The following KDM2A variants were observed in gnomAD, a reference collection of about 807,000 sequenced individuals.
The protein encoded by KDM2A is lysine demethylase 2A, also known as lysine-specific demethylase 2A.
Under a neutral mutation model 137.3 loss-of-function variants are expected in KDM2A, and 3 were observed. The observed-to-expected ratio is 0.02, with a 90% confidence interval of 0.01 to 0.06. KDM2A has a LOEUF of 0.06. Among genes scored for constraint, KDM2A ranks in the 10% least tolerant of loss-of-function variants. The pLI is 1.00. For synonymous variants in KDM2A, 512 were observed against 541.5 expected (o/e 0.95, Z 0.76); for missense variants, 738 against 1,510.6 (o/e 0.49, Z 8.48).
intron 2 of KDM2A, among the ~76,000 whole-genome samples, chr11:67,150,822 C>T (rs1856367657): frequency 6.6e-6 from 1 of 150,538 alleles, no homozygotes; most frequent in East Asian, 2.0e-4. Flanking sequence ...AATTAAAATG[C>T]CAAGGTAAAT....
At chr11:67,169,058 C>T (rs371546397) in intron 2 of KDM2A, among the ~76,000 whole-genome samples, 1 of 147,990 alleles carries the variant, frequency 6.8e-6, no homozygotes, top group Admixed American at 6.9e-5. Flanking sequence ...GGGGTTCAAG[C>T]GATTCTCTTG....
chr11:67,239,631 G>A (rs890910133), intron 12 of KDM2A, among the ~76,000 whole-genome samples: 1 of 152,204 alleles, frequency 6.6e-6, no homozygotes, highest in Non-Finnish European at 1.5e-5. Context: ...CCCTCTACTT[G>A]CTGAGAGGGG....
chr11:67,151,385 ATTATT>A (rs1856384650), intron 2 of KDM2A, among the ~76,000 whole-genome samples: 1 of 151,890 alleles, frequency 6.6e-6, no homozygotes, highest in Non-Finnish European at 1.5e-5. Context: ...ATTTAATTTT[ATTATT>A]TTATTTTGAG....
chr11:67,206,883 A>G (rs1418189170), intron 5 of KDM2A, among the ~76,000 whole-genome samples: 1 of 152,212 alleles, frequency 6.6e-6, no homozygotes, highest in African/African-American at 2.4e-5. Context: ...TTTCGTGTCC[A>G]TCCTGGTGTC....
At chr11:67,249,831 A>G (rs2136459375) in intron 16 of KDM2A, among the ~76,000 whole-genome samples, 1 of 152,138 alleles carries the variant, frequency 6.6e-6, no homozygotes, top group East Asian at 1.9e-4. Flanking sequence ...TAAGTCAGAG[A>G]CGCAATTAAA....
intron 8 of KDM2A, among the ~76,000 whole-genome samples, chr11:67,216,614 T>C (rs188023727): frequency 3.0e-4 from 46 of 152,234 alleles, no homozygotes; most frequent in Non-Finnish European, 6.5e-4. Flanking sequence ...GAATAGATAA[T>C]GCCTTGTTTA....
chr11:67,174,827 A>G (rs1856945574), intron 2 of KDM2A, among the ~76,000 whole-genome samples: 1 of 152,216 alleles, frequency 6.6e-6, no homozygotes, highest in Admixed American at 6.5e-5. Context: ...ATTCCCTGTT[A>G]ACCCTGGGAA....
At chr11:67,149,224 C>A (rs745685606) in intron 2 of KDM2A, 2 of 152,086 alleles carry the variant, frequency 1.3e-5, no homozygotes, top group Non-Finnish European at 2.9e-5. Flanking sequence ...GGAGTCCCTT[C>A]CAGGTTCTAA....
chr11:67,218,688 T>C (rs1175128742), intron 9 of KDM2A, among the ~76,000 whole-genome samples: 2 of 152,158 alleles, frequency 1.3e-5, no homozygotes, highest in African/African-American at 4.8e-5. Flanking sequence ...CACTGCAACC[T>C]CCACCTCCCA....
At chr11:67,155,579 C>T (rs1414224444) in intron 2 of KDM2A, among the ~76,000 whole-genome samples, 1 of 152,052 alleles carries the variant, frequency 6.6e-6, no homozygotes, top group Non-Finnish European at 1.5e-5. Context: ...GCTGGGATTA[C>T]AGGAGTGAGC....
chr11:67,153,415 G>A (rs780419089), intron 2 of KDM2A, among the ~76,000 whole-genome samples: 1 of 152,104 alleles, frequency 6.6e-6, no homozygotes, highest in Non-Finnish European at 1.5e-5. Flanking sequence ...CAAAGAATGA[G>A]GGAAATTTGG....
intron 2 of KDM2A, among the ~76,000 whole-genome samples, chr11:67,152,620 T>A (rs1856418874): frequency 6.6e-6 from 1 of 151,274 alleles, no homozygotes; most frequent in African/African-American, 2.4e-5. Context: ...AAAAAAAAAA[T>A]CCCTTAAAAA....
rs1859571990 is a variant in KDM2A, at chr11:67,255,484, C to A, written c.*429C>A. 2 of 458,624 alleles carry A rather than the reference C, an allele frequency of 4.4e-6. No homozygotes were observed. Among genetic ancestry groups the A allele is most frequent in the South Asian group, 3.1e-5 (2 of 64,576 alleles). The allele number at this position is 458,624 out of a possible 1,614,324, so 28.4% of individuals were successfully genotyped here. A position where few individuals can be genotyped will look rare whatever the true frequency, so the allele number is the denominator to read the frequency against. On this transcript the variant is annotated 3_prime_UTR_variant, in exon 21 of 21. Transcript: ENST00000529006. ...ACGGCCCTGTCTCCATGGCCAGGTT[C>A]TTGTGGTGTCCAGTGCGCGTCTCTC...
At chr11:67,148,200 A>G (rs1214848520) in intron 2 of KDM2A, among the ~76,000 whole-genome samples, 1 of 151,952 alleles carries the variant, frequency 6.6e-6, no homozygotes, top group African/African-American at 2.4e-5. Flanking sequence ...TGGGAGGATC[A>G]TTTTTGAACT....
intron 5 of KDM2A, among the ~76,000 whole-genome samples, chr11:67,185,634 T>G (rs1487782707): frequency 6.8e-6 from 1 of 147,436 alleles, no homozygotes; most frequent in Non-Finnish European, 1.5e-5. Context: ...CGAAACTCTG[T>G]CGCAAAAAAA....
chr11:67,231,802 C>A lies in KDM2A; in HGVS notation c.1321C>A (p.Pro441Thr). 6.2e-7 allele frequency: 1 copy of A among 1,614,010 alleles called. No individual in the cohort carries two copies. The highest frequency in any genetic ancestry group is 1.1e-5 in the South Asian group (1 of 91,080). The change falls in exon 12 of 21, where the codon CCC (proline) becomes ACC (threonine). Residue 441 changes from proline (P) to threonine (T), a missense_variant. Physicochemically the swap from Pro to Thr is conservative, Grantham distance 38 (BLOSUM62 -1). Coordinates refer to ENST00000529006, the MANE Select transcript of KDM2A (RefSeq NM_012308.3). ...RGSHNGQVWD[P>T]QCAPRKDRQV... is the part of the protein sequence containing the mutation. Reference sequence around the variant, plus strand: ...CTCCCACAATGGACAAGTGTGGGATCCCCAGTGTGCTCCCCGAAAGGACAG... The same window carrying A: ...CTCCCACAATGGACAAGTGTGGGATACCCAGTGTGCTCCCCGAAAGGACAG...
intron 10 of KDM2A, among the ~76,000 whole-genome samples, chr11:67,226,451 A>AGT (rs1404301174): frequency 6.6e-6 from 1 of 152,150 alleles, no homozygotes; most frequent in Non-Finnish European, 1.5e-5. Context: ...AGCCAGGCGC[A>AGT]GTGGCTCACG....
At chr11:67,212,816 G>T (rs1283309071) in intron 6 of KDM2A, among the ~76,000 whole-genome samples, 1 of 151,856 alleles carries the variant, frequency 6.6e-6, no homozygotes, top group African/African-American at 2.4e-5. Flanking sequence ...GTTCTGAACC[G>T]TTCCTCTCCC....
chr11:67,143,407 C>A (rs1365888470), intron 2 of KDM2A: 1 of 151,958 alleles, frequency 6.6e-6, no homozygotes. Flanking sequence ...CTGAAAATTT[C>A]TTGGGAAGAA....
Sources: gnomAD v4.1 joint callset for allele counts (sites outside exome capture counted in the v4.1 genomes callset) on GRCh38, gnomAD v4.1.1 for gene constraint, MANE v1.5 for transcripts, NCBI Gene and HGNC (gene_info 2026-07-23, HGNC 2026-07-21) for gene names.